Variants in CTNNA2 observed in about 807,000 individuals in gnomAD.
CTNNA2 encodes the protein catenin alpha 2.
In CTNNA2, 42 loss-of-function variants were observed where a neutral mutation model predicts 101.0. That is an observed-to-expected ratio of 0.42 (90% CI 0.32 to 0.54). The LOEUF (loss-of-function observed/expected upper bound fraction) is 0.54, where lower values mean the gene tolerates loss of function less well. CTNNA2 is among the 20% of genes least tolerant of loss of function. The pLI, the probability that CTNNA2 is intolerant of heterozygous loss-of-function variation, is 0.14. For missense variants in CTNNA2, 871 were observed against 1,223.1 expected, an observed-to-expected ratio of 0.71 and a Z score of 4.29; for synonymous variants, 450 against 456.4, an observed-to-expected ratio of 0.99 and a Z score of 0.18.
At chr2:80,423,329 C>T (rs1680700631) in intron 9 of CTNNA2, among the ~76,000 whole-genome samples, 1 of 151,860 alleles carries the variant, frequency 6.6e-6, no homozygotes, top group South Asian at 2.1e-4. Flanking sequence ...TATAAATTTC[C>T]CTCTAATCTA....
At chr2:80,634,361 A>G (rs565542160) in intron 18 of CTNNA2, among the ~76,000 whole-genome samples, 7 of 152,276 alleles carry the variant, frequency 4.6e-5, no homozygotes, top group South Asian at 4.1e-4. Flanking sequence ...CAAGCCTTAC[A>G]GGTATCTCAG....
intron 7 of CTNNA2, among the ~76,000 whole-genome samples, chr2:80,386,095 G>T (rs536402281): frequency 6.6e-6 from 1 of 152,264 alleles, no homozygotes; most frequent in African/African-American, 2.4e-5. Context: ...ATAGGGCCTG[G>T]TAGTCTCACC....
At chr2:80,524,067 T>A (rs1277867728) in intron 9 of CTNNA2, among the ~76,000 whole-genome samples, 1 of 152,150 alleles carries the variant, frequency 6.6e-6, no homozygotes, top group Non-Finnish European at 1.5e-5. Context: ...GCATAGCTGC[T>A]GATGGGGATG....
intron 7 of CTNNA2, among the ~76,000 whole-genome samples, chr2:80,097,906 C>A (rs900421113): frequency 6.6e-6 from 1 of 152,078 alleles, no homozygotes; most frequent in Non-Finnish European, 1.5e-5. Flanking sequence ...TAGCCATGCA[C>A]CTAATTTTTT....
chr2:79,904,561 A>G (rs1157751613), intron 6 of CTNNA2, among the ~76,000 whole-genome samples: 1 of 152,216 alleles, frequency 6.6e-6, no homozygotes, highest in African/African-American at 2.4e-5. Flanking sequence ...ACTGGGCTTG[A>G]AATCAAAAGA....
chr2:79,999,473 G>C (rs561864), intron 7 of CTNNA2, among the ~76,000 whole-genome samples: 105,376 of 152,148 alleles, frequency 0.69, 38,219 homozygotes, highest in African/African-American at 0.9. Context: ...TGGGCCCTGA[G>C]CTTCTGTGGC....
At chr2:80,366,168 C>T (rs1674914583) in intron 7 of CTNNA2, among the ~76,000 whole-genome samples, 1 of 152,116 alleles carries the variant, frequency 6.6e-6, no homozygotes, top group Non-Finnish European at 1.5e-5. Context: ...CTGGTCCCAC[C>T]TCTTGGGCAA....
chr2:79,729,595 T>C (rs1041775540), intron 2 of CTNNA2, among the ~76,000 whole-genome samples: 3 of 152,166 alleles, frequency 2.0e-5, no homozygotes, highest in African/African-American at 4.8e-5. Flanking sequence ...AATGAGCTGC[T>C]TTCTTTTTTT....
intron 2 of CTNNA2, among the ~76,000 whole-genome samples, chr2:79,652,021 A>G (rs1267212502): frequency 1.3e-5 from 2 of 152,148 alleles, no homozygotes; most frequent in Non-Finnish European, 2.9e-5. Context: ...ACAGCAATGT[A>G]TATTTATTGA....
At chr2:80,571,086 C>T (rs1694550812) in intron 12 of CTNNA2, among the ~76,000 whole-genome samples, 1 of 152,174 alleles carries the variant, frequency 6.6e-6, no homozygotes, top group South Asian at 2.1e-4. Flanking sequence ...CGTTGTCCTC[C>T]TCCCCATCTC....
chr2:80,422,341 C>G (rs1680601285), intron 9 of CTNNA2, among the ~76,000 whole-genome samples: 1 of 152,130 alleles, frequency 6.6e-6, no homozygotes, highest in African/African-American at 2.4e-5. Context: ...CTGGCACCAC[C>G]CTTGACACAT....
chr2:79,964,871 T>C (rs1022655875), intron 7 of CTNNA2, among the ~76,000 whole-genome samples: 5 of 152,212 alleles, frequency 3.3e-5, no homozygotes, highest in Admixed American at 3.3e-4. Flanking sequence ...GGATCCCCTT[T>C]TTCCAGTTTC....
chr2:79,405,030 C>A (rs948173719), intron 4 of CTNNA2, among the ~76,000 whole-genome samples: 1 of 151,884 alleles, frequency 6.6e-6, no homozygotes. Context: ...TGCTTCTAAC[C>A]AATAGAATAT....
At chr2:80,417,736 A>G (rs1419991237) in intron 8 of CTNNA2, among the ~76,000 whole-genome samples, 1 of 151,988 alleles carries the variant, frequency 6.6e-6, no homozygotes, top group East Asian at 1.9e-4. Flanking sequence ...GTTTTAATCT[A>G]TTTTATAAGC....
chr2:80,300,931 A>T (rs1365671520), intron 7 of CTNNA2, among the ~76,000 whole-genome samples: 1 of 151,724 alleles, frequency 6.6e-6, no homozygotes, highest in Non-Finnish European at 1.5e-5. Flanking sequence ...AGAAGGAGCA[A>T]TCATCACTCT....
At chr2:79,518,790 G>A (rs190887905) in intron 1 of CTNNA2, among the ~76,000 whole-genome samples, 7 of 152,234 alleles carry the variant, frequency 4.6e-5, no homozygotes, top group East Asian at 1.9e-4. Context: ...AATTGTTTCC[G>A]GGAAAGGGTA....
rs140538823 is a variant in CTNNA2 at position 80,405,030 on chromosome 2, C to T, written c.1137+11739C>T. 3.2e-3 allele frequency among the ~76,000 whole-genome samples: 483 copies of T among 152,252 alleles called. 6 individuals carry two copies. Among genetic ancestry groups the T allele is most frequent in the African/African-American group, 0.011 (441 of 41,548 alleles). On this transcript the variant is annotated intron_variant, in intron 8 of 18. Transcript: ENST00000402739. ...TTCACCAACAATTGCCTTGCCTTAT[C>T]GTAGCTATGAGTGCTAAGAATGGTT...
At chr2:80,213,184 T>C (rs990811129) in intron 7 of CTNNA2, among the ~76,000 whole-genome samples, 2 of 152,204 alleles carry the variant, frequency 1.3e-5, no homozygotes, top group African/African-American at 4.8e-5. Flanking sequence ...TCATTGATTT[T>C]TTGAAGGGTT....
intron 7 of CTNNA2, chr2:80,027,881 G>A (rs1490295937): frequency 6.7e-6 from 1 of 148,598 alleles, no homozygotes; most frequent in African/African-American, 2.5e-5. Context: ...GCTAAGGCTG[G>A]AGGATCTTTT....
Sources: gnomAD v4.1 joint callset for allele counts (sites outside exome capture counted in the v4.1 genomes callset) on GRCh38, gnomAD v4.1.1 for gene constraint, MANE v1.5 for transcripts, NCBI Gene and HGNC (gene_info 2026-07-23, HGNC 2026-07-21) for gene names.